NCAM1: variants seen among roughly 807,000 people sequenced by gnomAD.
The protein encoded by NCAM1 is antigen recognized by monoclonal antibody 5.1H11.
A neutral mutation model predicts 109.8 loss-of-function variants in NCAM1; 14 were observed. The ratio of observed to expected loss-of-function variants is 0.13; its 90% CI spans 0.08 to 0.20. The LOEUF (loss-of-function observed/expected upper bound fraction) is 0.20. NCAM1 is among the 10% of genes least tolerant of loss of function. The pLI is 1.00. For missense variants in NCAM1, 774 were observed against 1,109.9 expected, an observed-to-expected ratio of 0.70 and a Z score of 4.30; for synonymous variants, 418 against 442.9, an observed-to-expected ratio of 0.94 and a Z score of 0.70.
chr11:113,126,756 G>A (rs1555097203), intron 1 of NCAM1, among the ~76,000 whole-genome samples: 1 of 152,152 alleles, frequency 6.6e-6, no homozygotes, highest in Non-Finnish European at 1.5e-5. Flanking sequence ...AACGCCCACT[G>A]CAAACACAAT....
intron 14 of NCAM1, among the ~76,000 whole-genome samples, chr11:113,238,840 C>T (rs1945247804): frequency 6.6e-6 from 1 of 152,196 alleles, no homozygotes; most frequent in Non-Finnish European, 1.5e-5. Flanking sequence ...ATACCCCAAG[C>T]CCCAAGGAAG....
At chr11:113,174,432 G>A (rs1555106723) in intron 1 of NCAM1, among the ~76,000 whole-genome samples, 1 of 152,202 alleles carries the variant, frequency 6.6e-6, no homozygotes, top group Non-Finnish European at 1.5e-5. Context: ...ATAAATTGGC[G>A]AGGTTTTAGT....
chr11:113,041,576 A>G (rs570380501), intron 1 of NCAM1, among the ~76,000 whole-genome samples: 1 of 152,350 alleles, frequency 6.6e-6, no homozygotes, highest in East Asian at 1.9e-4. Flanking sequence ...CTTGATGCGA[A>G]CCAATGGTAG....
intron 1 of NCAM1, among the ~76,000 whole-genome samples, chr11:113,112,388 T>A (rs1409643646): frequency 6.6e-6 from 1 of 152,192 alleles, no homozygotes; most frequent in African/African-American, 2.4e-5. Context: ...GAAAATAAAA[T>A]TGATTGTTTT....
chr11:113,029,293 A>C (rs1952647280), intron 1 of NCAM1, among the ~76,000 whole-genome samples: 1 of 152,234 alleles, frequency 6.6e-6, no homozygotes, highest in Non-Finnish European at 1.5e-5. Context: ...ATCTACAGAT[A>C]GTGGTGAAAT....
intron 1 of NCAM1, among the ~76,000 whole-genome samples, chr11:113,051,700 T>G (rs1591283959): frequency 1.3e-5 from 2 of 152,340 alleles, no homozygotes; most frequent in South Asian, 2.1e-4. Flanking sequence ...TTCTACTGTA[T>G]TATTTTTAAT....
chr11:113,057,254 G>A, intron 1 of NCAM1, among the ~76,000 whole-genome samples: 1 of 152,158 alleles, frequency 6.6e-6, no homozygotes, highest in Admixed American at 6.5e-5. Flanking sequence ...GGATGCAGAA[G>A]TGAGGAGCGC....
intron 1 of NCAM1, among the ~76,000 whole-genome samples, chr11:112,995,067 A>C (rs1437449106): frequency 6.6e-6 from 1 of 152,044 alleles, no homozygotes. Flanking sequence ...TTATCTTTTT[A>C]TATATCCTGG....
chr11:113,230,841 C>T (rs1359078830), intron 9 of NCAM1, among the ~76,000 whole-genome samples: 1 of 152,214 alleles, frequency 6.6e-6, no homozygotes, highest in African/African-American at 2.4e-5. Flanking sequence ...AAGGGGAAAT[C>T]CCCTTGGAAA....
rs797028202 is a variant in NCAM1 at position 113,244,662 on chromosome 11, T to C, written c.1826-1706T>C. 9.8e-3 allele frequency among the ~76,000 whole-genome samples: 1,227 copies of C among 124,972 alleles called. 5 individuals are homozygous for C. The highest frequency in any genetic ancestry group is 0.016 in the Non-Finnish European group (919 of 58,748). The allele number at this position is 124,972 out of a possible 152,430, so 82.0% of individuals were successfully genotyped here. A position where few individuals can be genotyped will look rare whatever the true frequency, so the allele number is the denominator to read the frequency against. On this transcript the variant is annotated intron_variant, in intron 14 of 19. Transcript: ENST00000316851. ...TTGCTTCTGTGTGTGTGCGTGTGTGTGTGTGTGTGTGTGTGTGTGTGTGTG... is the reference window on the plus strand; with the variant it reads ...TTGCTTCTGTGTGTGTGCGTGTGTGCGTGTGTGTGTGTGTGTGTGTGTGTG...
chr11:113,176,631 AAGG>A (rs1943152459), intron 1 of NCAM1, among the ~76,000 whole-genome samples: 1 of 152,224 alleles, frequency 6.6e-6, no homozygotes, highest in African/African-American at 2.4e-5. Flanking sequence ...ATGGTTTTCA[AAGG>A]AGGTGTTATG....
intron 1 of NCAM1, among the ~76,000 whole-genome samples, chr11:113,059,264 C>A (rs192304351): frequency 6.6e-6 from 1 of 152,206 alleles, no homozygotes; most frequent in Non-Finnish European, 1.5e-5. Context: ...GGATCTAACA[C>A]CCTTCCAAAG....
At chr11:113,047,267 T>C (rs1213060445) in intron 1 of NCAM1, among the ~76,000 whole-genome samples, 1 of 152,184 alleles carries the variant, frequency 6.6e-6, no homozygotes, top group Non-Finnish European at 1.5e-5. Flanking sequence ...CTTGAGGAAA[T>C]TCTCATCCTC....
intron 1 of NCAM1, among the ~76,000 whole-genome samples, chr11:113,114,243 A>G (rs1398618350): frequency 6.6e-6 from 1 of 152,204 alleles, no homozygotes; most frequent in African/African-American, 2.4e-5. Context: ...CCGGAGTCAG[A>G]GACACAAATA....
chr11:113,008,218 T>C (rs1365620345), intron 1 of NCAM1, among the ~76,000 whole-genome samples: 2 of 152,162 alleles, frequency 1.3e-5, no homozygotes, highest in Admixed American at 6.5e-5. Flanking sequence ...TGATAGAGGA[T>C]CAGAGAATTT....
chr11:112,975,844 T>C (rs1370459112), intron 1 of NCAM1, among the ~76,000 whole-genome samples: 3 of 152,034 alleles, frequency 2.0e-5, no homozygotes, highest in Non-Finnish European at 4.4e-5. Flanking sequence ...AATATTTTTA[T>C]TATTTGTATT....
intron 1 of NCAM1, among the ~76,000 whole-genome samples, chr11:113,089,804 A>G (rs573282620): frequency 6.6e-6 from 1 of 152,334 alleles, no homozygotes; most frequent in South Asian, 2.1e-4. Flanking sequence ...AACATGAAGA[A>G]AGTATATTTT....
At position 113,016,034 on chromosome 11, in the gene NCAM1, T is replaced by G. The variant is rs142829453; in HGVS notation, c.52+54370T>G. ...ATGGTGGTGTGCCGAGTATTAAATA[T>G]TTGACTAAGTTGATTGGAATACGAT... On this transcript the variant is annotated intron_variant, in intron 1 of 19. Transcript: ENST00000316851. Among the ~76,000 whole-genome samples the G allele has an allele frequency of 1.3e-3, 205 of 152,258 alleles. 2 individuals carry two copies. The highest frequency in any genetic ancestry group is 4.8e-3 in the African/African-American group (200 of 41,530).
At chr11:113,041,915 A>T (rs1555080040) in intron 1 of NCAM1, among the ~76,000 whole-genome samples, 1 of 152,130 alleles carries the variant, frequency 6.6e-6, no homozygotes, top group Non-Finnish European at 1.5e-5. Flanking sequence ...CTCTGAAAAG[A>T]GTCCCCTCAG....
Sources: gnomAD v4.1 joint callset for allele counts (sites outside exome capture counted in the v4.1 genomes callset) on GRCh38, gnomAD v4.1.1 for gene constraint, MANE v1.5 for transcripts, NCBI Gene and HGNC (gene_info 2026-07-23, HGNC 2026-07-21) for gene names.